GAA: variants seen among roughly 807,000 people sequenced by gnomAD.
GAA encodes the protein alpha glucosidase.
A neutral mutation model predicts 103.9 loss-of-function variants in GAA; 88 were observed. The ratio of observed to expected loss-of-function variants is 0.85; its 90% confidence interval spans 0.71 to 1.01. The LOEUF (loss-of-function observed/expected upper bound fraction) is 1.01, where lower values mean the gene tolerates loss of function less well. Ranked by LOEUF, GAA falls within the 50% of genes least tolerant of loss-of-function variation. GAA has a pLI of 0.00. For missense variants in GAA, 1,350 were observed against 1,305.3 expected (o/e 1.03, Z -0.53); for synonymous variants, 572 against 563.1 (o/e 1.02, Z -0.22).
intron 3 of GAA, 145 bp downstream of exon 3, chr17:80,106,039 T>A: frequency 1.9e-6 from 2 of 1,053,454 alleles, no homozygotes; most frequent in Non-Finnish European, 2.7e-6. Flanking sequence ...GCGACGGGCA[T>A]TTCTCACAGG....
At position 80,110,077 on chromosome 17, in the gene GAA, C is replaced by T. The variant is rs544469136; in HGVS notation, c.1437+22C>T. The T allele has an allele frequency of 8.0e-4, 1,272 of 1,596,434 alleles. 21 individuals are homozygous for T. In the South Asian group the frequency reaches 0.013, roughly 16 times the overall value. On this transcript the variant is annotated intron_variant, in intron 9 of 19. Transcript: ENST00000302262. ...GAAGGTAGGGCGAGGGTCCAGGGGA[C>T]GGGGGTTAGAAAGCAGAGGCCTCCA...
At chr17:80,102,687 G>A (rs1344183198) in intron 1 of GAA, 1 of 152,202 alleles carries the variant, frequency 6.6e-6, no homozygotes, top group African/African-American at 2.4e-5. Flanking sequence ...TCTTCCATAC[G>A]GCTGTCTGAG....
At chr17:80,106,150 C>T (rs2039081996) in intron 3 of GAA, among the ~76,000 whole-genome samples, 1 of 152,232 alleles carries the variant, frequency 6.6e-6, no homozygotes, top group Non-Finnish European at 1.5e-5. Context: ...GGAAAACTCT[C>T]AGGAACGACA....
At chr17:80,114,352 G>A (rs756529829) in intron 15 of GAA, among the ~76,000 whole-genome samples, 49 of 151,858 alleles carry the variant, frequency 3.2e-4, no homozygotes, top group Admixed American at 7.2e-4. Context: ...TTCTTCACCC[G>A]GAAATCCAAG....
At chr17:80,106,412 G>A (rs1215578345) in intron 3 of GAA, among the ~76,000 whole-genome samples, 5 of 152,018 alleles carry the variant, frequency 3.3e-5, no homozygotes, top group African/African-American at 1.2e-4. Context: ...GTCCCCTCTA[G>A]AAGCCAGCTG....
intron 10 of GAA, 24 bp downstream of exon 10, chr17:80,110,864 A>T: frequency 1.2e-6 from 2 of 1,613,004 alleles, no homozygotes; most frequent in Non-Finnish European, 1.7e-6. Context: ...CCTCCTGAGC[A>T]TCCCCAAGGC....
intron 5 of GAA, 97 bp from the exon 6 acceptor site, chr17:80,108,193 A>G: frequency 4.3e-5 from 68 of 1,599,214 alleles, no homozygotes; most frequent in Non-Finnish European, 5.7e-5. Context: ...GTGGGGAGAG[A>G]GCCTCAACTC....
rs771409180 is a variant in GAA, at chr17:80,104,603, C to T, written c.17C>T (p.Pro6Leu). 1.5e-5 allele frequency: 24 copies of T among 1,611,466 alleles called. No individual in the cohort carries two copies. The Admixed American group carries it at 1.7e-4, about 11-fold the overall frequency. MGVRH[P>L]PCSHRLLAVC... Reference sequence around the variant, plus strand: ...TCTCCAACCATGGGAGTGAGGCACCCGCCCTGCTCCCACCGGCTCCTGGCC... The same window carrying T: ...TCTCCAACCATGGGAGTGAGGCACCTGCCCTGCTCCCACCGGCTCCTGGCC... Residue 6 changes from proline to leucine, a missense_variant, in exon 2 of 20, where the codon CCG (proline) becomes CTG (leucine). Physicochemically the swap from Pro to Leu is moderately conservative, Grantham distance 98. Coordinates refer to ENST00000302262, the MANE Select transcript of GAA (RefSeq NM_000152.5). The surrounding 1 kb of genome is among the most constrained non-coding windows in gnomAD (Gnocchi z 4.0).
chr17:80,102,274 A>G (rs1255715747), intron 1 of GAA: 1 of 152,224 alleles, frequency 6.6e-6, no homozygotes, highest in Non-Finnish European at 1.5e-5. Flanking sequence ...GAATGTCTCA[A>G]TCACAAAGAC....
chr17:80,105,187 C>T lies in GAA; in HGVS notation c.546+55C>T, dbSNP rs566962401. 495 of 1,498,998 alleles carry T rather than the reference C, an allele frequency of 3.3e-4. 3 individuals carry two copies. In the African/African-American group the frequency reaches 5.2e-3, roughly 16 times the overall value. The allele number at this position is 1,498,998 out of a possible 1,614,324, so 92.9% of individuals were successfully genotyped here. ...CAGGGCAGAGGGTGCGCGTGGACAT[C>T]GACACCCACGCACCTCACAAGGGTG... On this transcript the variant is annotated intron_variant, in intron 2 of 19. Transcript: ENST00000302262.
In GAA at chr17:80,113,381, CA is replaced by C; in HGVS notation, c.2189+16del. ...CTCTTCCTGGAGTGAGTGACCTAGG[CA>C]GGGGCGGTGGCCCATGTGTGCCCTG... is the stretch of plus-strand genomic sequence containing the variant. On this transcript the variant is annotated intron_variant, in intron 15 of 19. Coordinates refer to ENST00000302262, the MANE Select transcript of GAA (RefSeq NM_000152.5). The C allele has an allele frequency of 6.5e-7, 1 of 1,549,666 alleles. No homozygotes were observed. Among genetic ancestry groups the C allele is most frequent in the Non-Finnish European group, 8.7e-7 (1 of 1,142,998 alleles).
intron 15 of GAA, among the ~76,000 whole-genome samples, chr17:80,113,972 C>T (rs1433683760): frequency 1.3e-5 from 2 of 150,526 alleles, no homozygotes; most frequent in South Asian, 2.1e-4. Context: ...GAGCCGAGAT[C>T]GCGCCACTGT....
chr17:80,114,688 A>G (rs1414308912), intron 15 of GAA, among the ~76,000 whole-genome samples: 3 of 152,130 alleles, frequency 2.0e-5, no homozygotes, highest in African/African-American at 7.2e-5. Context: ...GTACATACAC[A>G]CTGTCTGCCT....
At chr17:80,107,338 G>A (rs1364308080) in intron 3 of GAA, among the ~76,000 whole-genome samples, 6 of 152,154 alleles carry the variant, frequency 3.9e-5, no homozygotes, top group Non-Finnish European at 7.4e-5. Context: ...CAGGCGGTGC[G>A]CCTCTTCTGA....
At chr17:80,112,758 C>T in intron 13 of GAA, 47 bp downstream of exon 13, 1 of 1,587,326 alleles carries the variant, frequency 6.3e-7, no homozygotes, top group Non-Finnish European at 8.6e-7. Context: ...GAGCCGGGGG[C>T]CTCTATGGGA....
chr17:80,111,672 T>G (rs1046956965), intron 11 of GAA: 7 of 435,278 alleles, frequency 1.6e-5, no homozygotes, highest in African/African-American at 6.0e-5. Context: ...GATGGGGTTT[T>G]GGGCTTAGGT....
Position 80,108,626 on chromosome 17 carries a change from AG to A in GAA, c.1194+23del. The A allele has an allele frequency of 6.2e-7, 1 of 1,612,526 alleles. No homozygotes were observed. ...CCCCCTGGTGAGTTGGGGTGGTGGC[AG>A]GGGAGGCAAGGGGCTGGCCGGGACG... On this transcript the variant is annotated intron_variant, in intron 7 of 19. Coordinates refer to ENST00000302262, the MANE Select transcript of GAA (RefSeq NM_000152.5).
chr17:80,116,395 G>T (rs1430316345), intron 15 of GAA, among the ~76,000 whole-genome samples: 1 of 152,222 alleles, frequency 6.6e-6, no homozygotes, highest in African/African-American at 2.4e-5. Flanking sequence ...ATGTATCCAT[G>T]CAGGGATCAT....
chr17:80,111,102 C>T, intron 11 of GAA, 77 bp downstream of exon 11: 1 of 1,391,758 alleles, frequency 7.2e-7, no homozygotes, highest in African/African-American at 1.4e-5. Context: ...GACTTAGCAC[C>T]CTCATCTCTG....
Sources: allele counts gnomAD v4.1 joint callset (sites outside exome capture counted in the v4.1 genomes callset), GRCh38; gene constraint gnomAD v4.1.1; non-coding constraint Gnocchi (gnomAD v3.1); transcripts MANE v1.5; gene names NCBI Gene and HGNC (gene_info 2026-07-23, HGNC 2026-07-21).